FBXO11: variants seen among roughly 807,000 people sequenced by gnomAD.
FBXO11 encodes F-box protein 11, also known as F-box only protein 11.
In FBXO11, 13 loss-of-function variants were observed where a neutral mutation model predicts 117.0. That is an observed-to-expected ratio of 0.11 (90% CI 0.07 to 0.18). The LOEUF is 0.18. Among genes scored for constraint, FBXO11 ranks in the 10% least tolerant of loss-of-function variants. The pLI, the probability that FBXO11 is intolerant of heterozygous loss-of-function variation, is 1.00. For missense variants in FBXO11, 767 were observed against 1,164.4 expected (o/e 0.66, Z 4.97); for synonymous variants, 490 against 380.5 (o/e 1.29, Z -3.35).
rs146648942 is a variant in FBXO11 at position 47,871,008 on chromosome 2, C to T, written c.233-31239G>A. Among the ~76,000 whole-genome samples, 5 of 152,270 alleles carry T rather than the reference C, an allele frequency of 3.3e-5. No homozygotes were observed. The East Asian group carries it at 5.8e-4, about 18-fold the overall frequency. On this transcript the variant is annotated intron_variant, in intron 1 of 22. Coordinates refer to ENST00000403359, the MANE Select transcript of FBXO11 (RefSeq NM_001190274.2). ...CTCACTAACACTTGGCATTATCCTC[C>T]GCAGGGGTTTTAGAAAGTCCACAAA...
intron 18 of FBXO11, among the ~76,000 whole-genome samples, chr2:47,812,073 G>GCTA (rs1023954998): frequency 2.6e-5 from 4 of 151,380 alleles, no homozygotes; most frequent in African/African-American, 9.7e-5. Flanking sequence ...AAGTGCTATT[G>GCTA]CTAAGATGGA....
chr2:47,833,909 C>G (rs1174322581), intron 7 of FBXO11, among the ~76,000 whole-genome samples: 1 of 151,854 alleles, frequency 6.6e-6, no homozygotes, highest in Non-Finnish European at 1.5e-5. Flanking sequence ...CTGAAGCGAT[C>G]CACCCACCTC....
chr2:47,830,139 A>C lies in FBXO11; in HGVS notation c.1398+2210T>G, dbSNP rs547909689. ...GAACATATGGAACAGAAAAATAGTA[A>C]AACAATACATCAGCAAAAGCCAAAA... On this transcript the variant is annotated intron_variant, in intron 11 of 22. Transcript: ENST00000403359. 1.3e-3 allele frequency among the ~76,000 whole-genome samples: 194 copies of C among 152,348 alleles called. 1 individual carries two copies. Among genetic ancestry groups the C allele is most frequent in the African/African-American group, 4.4e-3 (184 of 41,590 alleles).
chr2:47,850,263 G>T (rs913361033), intron 1 of FBXO11, among the ~76,000 whole-genome samples: 2 of 152,136 alleles, frequency 1.3e-5, no homozygotes, highest in Middle Eastern at 3.2e-3. Flanking sequence ...GAGATTGAAG[G>T]TGGGGAAAAA....
At chr2:47,831,183 G>A (rs528711177) in intron 11 of FBXO11, among the ~76,000 whole-genome samples, 202 of 151,908 alleles carry the variant, frequency 1.3e-3, no homozygotes, top group African/African-American at 4.8e-3. Flanking sequence ...TTGGGAGGCC[G>A]AGGCAGGTGA....
chr2:47,814,867 A>C (rs1350204029), intron 16 of FBXO11, among the ~76,000 whole-genome samples: 1 of 152,140 alleles, frequency 6.6e-6, no homozygotes. Context: ...TAATATTCTA[A>C]ATCCTTTGTC....
At chr2:47,882,257 G>C (rs1676485415) in intron 1 of FBXO11, among the ~76,000 whole-genome samples, 1 of 152,160 alleles carries the variant, frequency 6.6e-6, no homozygotes, top group South Asian at 2.1e-4. Flanking sequence ...TATAAATGTT[G>C]TTCGACTGGG....
chr2:47,830,064 G>A (rs926037001), intron 11 of FBXO11, among the ~76,000 whole-genome samples: 1 of 152,028 alleles, frequency 6.6e-6, no homozygotes, highest in Non-Finnish European at 1.5e-5. Context: ...AAACAGAACA[G>A]AACATAGCAA....
chr2:47,809,019 TCTTCAAGTAGATTG>T lies in FBXO11; in HGVS notation c.2555+125_2555+138del, dbSNP rs1670429487. On this transcript the variant is annotated intron_variant, in intron 21 of 22. Transcript: ENST00000403359. Reference sequence around the variant, plus strand: ...CCCACAGTTACAGTCTTAAACACGATCTTCAAGTAGATTGATGATAAAATTTTCAGTTAGTTATA... The same window carrying T: ...CCCACAGTTACAGTCTTAAACACGATATGATAAAATTTTCAGTTAGTTATA... The T allele has an allele frequency of 4.5e-5, 26 of 578,944 alleles. No homozygotes were observed. In the South Asian group the frequency reaches 5.5e-4, roughly 12 times the overall value. 35.9% of individuals were successfully genotyped at this position (578,944 alleles called of 1,614,324 possible).
Position 47,834,727 on chromosome 2 carries a change from T to G in FBXO11, c.802-16A>C, listed in dbSNP as rs202141407. ...TATCATAATACTAGAAAAAAATAAA[T>G]GTGTCAGTACAGAACTGAAAGATTA... On this transcript the variant is annotated splice_polypyrimidine_tract_variant and intron_variant, in intron 6 of 22. Transcript: ENST00000403359. 63 of 1,606,796 alleles carry G rather than the reference T, an allele frequency of 3.9e-5. No homozygotes were observed. The South Asian group carries it at 6.9e-4, about 18-fold the overall frequency.
intron 16 of FBXO11, among the ~76,000 whole-genome samples, chr2:47,814,749 T>G (rs554753384): frequency 2.0e-4 from 30 of 152,332 alleles, no homozygotes; most frequent in African/African-American, 6.7e-4. Context: ...ACGGAAGATT[T>G]CTCTGTAGCA....
At chr2:47,862,144 C>G (rs375107738) in intron 1 of FBXO11, among the ~76,000 whole-genome samples, 1 of 152,082 alleles carries the variant, frequency 6.6e-6, no homozygotes, top group African/African-American at 2.4e-5. Context: ...TGGTCTCAAA[C>G]GCTTGACCTC....
intron 1 of FBXO11, among the ~76,000 whole-genome samples, chr2:47,870,916 G>A (rs1256159710): frequency 6.6e-6 from 1 of 152,176 alleles, no homozygotes; most frequent in Non-Finnish European, 1.5e-5. Context: ...GTCTAAAAAT[G>A]AAATTACTGG....
chr2:47,839,610 AC>A lies in FBXO11; in HGVS notation c.360+31del, dbSNP rs1248409566. 1.4e-5 allele frequency: 22 copies of A among 1,605,548 alleles called. No homozygotes were observed. The Admixed American group carries it at 3.8e-4, about 28-fold the overall frequency. ...TTTGTTTCTTGAAAATTCTTTCATTACAAAAAGAAAAGCAACTACAGTTAAA... is the reference window on the plus strand; with the variant it reads ...TTTGTTTCTTGAAAATTCTTTCATTAAAAAAGAAAAGCAACTACAGTTAAA... On this transcript the variant is annotated intron_variant, in intron 2 of 22. Transcript: ENST00000403359.
intron 1 of FBXO11, among the ~76,000 whole-genome samples, chr2:47,857,950 C>T (rs1045217003): frequency 3.3e-5 from 5 of 151,780 alleles, no homozygotes; most frequent in African/African-American, 4.8e-5. Flanking sequence ...TATATATATA[C>T]ACACACACAT....
At chr2:47,859,656 C>T (rs78931117) in intron 1 of FBXO11, among the ~76,000 whole-genome samples, 2,389 of 152,288 alleles carry the variant, frequency 0.016, 26 homozygotes, top group Non-Finnish European at 0.025. Context: ...TTCACAGTTA[C>T]GCTTTCAAGG....
intron 1 of FBXO11, among the ~76,000 whole-genome samples, chr2:47,893,135 C>A (rs934473775): frequency 2.7e-5 from 4 of 147,610 alleles, no homozygotes; most frequent in African/African-American, 9.8e-5. Context: ...GCCTGGATGA[C>A]ACAGTGATAC....
In FBXO11 at chr2:47,807,104, A is replaced by G. The variant is rs1019023362; in HGVS notation, c.*1014T>C. On this transcript the variant is annotated 3_prime_UTR_variant, in exon 23 of 23. Coordinates refer to ENST00000403359, the MANE Select transcript of FBXO11 (RefSeq NM_001190274.2). ...GGCTGTTTTATACCCACTGTCACCA[A>G]TACACATAAATGGGGGAGGAAAAGC... 4 of 494,214 alleles carry G rather than the reference A, an allele frequency of 8.1e-6. No homozygotes were observed. Among genetic ancestry groups the G allele is most frequent in the African/African-American group, 3.9e-5 (2 of 51,760 alleles). 30.6% of individuals were successfully genotyped at this position (494,214 alleles called of 1,614,324 possible).
At chr2:47,845,555 TAA>T (rs1205953810) in intron 1 of FBXO11, among the ~76,000 whole-genome samples, 1 of 152,202 alleles carries the variant, frequency 6.6e-6, no homozygotes. Context: ...ACAGAAAGCT[TAA>T]AAGAAATCTC....
Sources: allele counts gnomAD v4.1 joint callset (sites outside exome capture counted in the v4.1 genomes callset), GRCh38; gene constraint gnomAD v4.1.1; transcripts MANE v1.5; gene names NCBI Gene and HGNC (gene_info 2026-07-23, HGNC 2026-07-21).